VTI1A: variants seen among roughly 807,000 people sequenced by gnomAD.
VTI1A encodes the protein vesicle transport through interaction with t-SNAREs 1A, also known as vesicle transport through interaction with t-SNAREs homolog 1A.
A neutral mutation model predicts 34.9 loss-of-function variants in VTI1A; 22 were observed. The ratio of observed to expected loss-of-function variants is 0.63; its 90% CI spans 0.45 to 0.90. The LOEUF (loss-of-function observed/expected upper bound fraction) is 0.90. Among genes scored for constraint, VTI1A ranks in the 40% least tolerant of loss-of-function variants. The pLI is 0.00. For missense variants in VTI1A, 268 were observed against 275.6 expected (o/e 0.97, Z 0.20); for synonymous variants, 87 against 97.3 (o/e 0.89, Z 0.62).
At chr10:112,456,479 AC>A (rs1470854228) in intron 1 of VTI1A, among the ~76,000 whole-genome samples, 5 of 151,218 alleles carry the variant, frequency 3.3e-5, no homozygotes, top group Non-Finnish European at 2.9e-5. Flanking sequence ...TGACCGTTGT[AC>A]CCCCTAGAGC....
intron 5 of VTI1A, among the ~76,000 whole-genome samples, chr10:112,651,239 C>CCT: frequency 6.6e-6 from 1 of 152,108 alleles, no homozygotes; most frequent in Non-Finnish European, 1.5e-5. Flanking sequence ...TTAAATATGA[C>CCT]AAAATAGTTT....
At chr10:112,791,132 C>T (rs527409433) in intron 7 of VTI1A, among the ~76,000 whole-genome samples, 74 of 152,260 alleles carry the variant, frequency 4.9e-4, no homozygotes, top group African/African-American at 1.7e-3. Context: ...CATTAGCTGA[C>T]CCAAAGGCAA....
intron 5 of VTI1A, among the ~76,000 whole-genome samples, chr10:112,560,666 G>A (rs539217302): frequency 8.8e-5 from 13 of 147,190 alleles, no homozygotes; most frequent in Non-Finnish European, 1.6e-4. Flanking sequence ...GCATGATCTC[G>A]GCTCACTGCA....
At chr10:112,807,326 C>G (rs778251570) in intron 7 of VTI1A, among the ~76,000 whole-genome samples, 1 of 152,136 alleles carries the variant, frequency 6.6e-6, no homozygotes, top group Non-Finnish European at 1.5e-5. Flanking sequence ...CTCATAGTTG[C>G]GAAGACTAGA....
At chr10:112,542,524 C>T in intron 5 of VTI1A, among the ~76,000 whole-genome samples, 1 of 152,182 alleles carries the variant, frequency 6.6e-6, no homozygotes, top group African/African-American at 2.4e-5. Context: ...CTCTCCACGA[C>T]AGGGAGCTAA....
chr10:112,846,180 G>A, the VTI1A span, among the ~76,000 whole-genome samples: 1 of 152,184 alleles, frequency 6.6e-6, no homozygotes, highest in Non-Finnish European at 1.5e-5. Context: ...TATTTTGGGG[G>A]TCTTTCCCCA....
chr10:112,747,430 A>C (rs111392855), intron 7 of VTI1A, among the ~76,000 whole-genome samples: 1 of 152,214 alleles, frequency 6.6e-6, no homozygotes, highest in African/African-American at 2.4e-5. Flanking sequence ...ACACTCATGT[A>C]CAGCATTTTA....
chr10:112,632,831 A>G (rs1404055160), intron 5 of VTI1A, among the ~76,000 whole-genome samples: 1 of 152,138 alleles, frequency 6.6e-6, no homozygotes, highest in Non-Finnish European at 1.5e-5. Context: ...ATGCATGTTG[A>G]TTGTACATGC....
chr10:112,536,751 C>G (rs559291263), intron 4 of VTI1A, among the ~76,000 whole-genome samples: 12 of 150,236 alleles, frequency 8.0e-5, no homozygotes, highest in African/African-American at 2.4e-4. Context: ...CTCACCCCCC[C>G]ACCCTTCCCC....
chr10:112,549,645 T>C (rs1851271173), intron 5 of VTI1A, among the ~76,000 whole-genome samples: 2 of 152,330 alleles, frequency 1.3e-5, no homozygotes, highest in South Asian at 4.1e-4. Context: ...GAGAAAGTTC[T>C]TTCTCTAGAA....
chr10:112,787,559 G>A (rs552659313), intron 7 of VTI1A, among the ~76,000 whole-genome samples: 10 of 151,954 alleles, frequency 6.6e-5, no homozygotes, highest in South Asian at 6.2e-4. Flanking sequence ...TTCAAATAGT[G>A]ATAATTATGG....
At chr10:112,715,132 C>T (rs1012176186) in intron 7 of VTI1A, among the ~76,000 whole-genome samples, 2 of 151,870 alleles carry the variant, frequency 1.3e-5, no homozygotes, top group African/African-American at 2.4e-5. Flanking sequence ...TGGTATGTAA[C>T]GATGGGGTAG....
intron 3 of VTI1A, among the ~76,000 whole-genome samples, chr10:112,476,480 T>G (rs937676678): frequency 2.6e-5 from 4 of 152,204 alleles, no homozygotes; most frequent in Non-Finnish European, 5.9e-5. Flanking sequence ...TACTTGCTAG[T>G]CACTCTCCTG....
At chr10:112,783,504 G>C (rs1355719767) in intron 7 of VTI1A, among the ~76,000 whole-genome samples, 3 of 152,010 alleles carry the variant, frequency 2.0e-5, no homozygotes, top group Admixed American at 6.5e-5. Context: ...AAATGTTCAC[G>C]GTGTTCAGAT....
the VTI1A span, chr10:112,831,601 G>A: frequency 6.6e-5 from 10 of 152,300 alleles, no homozygotes; most frequent in African/African-American, 1.4e-4. Context: ...AGCCTCCAGC[G>A]CTGGTATTTC....
intron 5 of VTI1A, among the ~76,000 whole-genome samples, chr10:112,626,014 C>T (rs898107706): frequency 2.6e-5 from 4 of 152,158 alleles, no homozygotes; most frequent in South Asian, 2.1e-4. Context: ...CTAATCTTTC[C>T]GTTTTCCCCA....
chr10:112,661,034 G>A (rs1347391063), intron 5 of VTI1A, among the ~76,000 whole-genome samples: 2 of 152,176 alleles, frequency 1.3e-5, no homozygotes, highest in South Asian at 2.1e-4. Flanking sequence ...AGGCCGGAGT[G>A]CAGTGGCATG....
chr10:112,648,024 C>A (rs921654443), intron 5 of VTI1A, among the ~76,000 whole-genome samples: 3 of 152,192 alleles, frequency 2.0e-5, no homozygotes, highest in Non-Finnish European at 4.4e-5. Flanking sequence ...CCCGCCTCAG[C>A]CTCCCAAAGT....
At chr10:112,838,690 AG>A in the VTI1A span, among the ~76,000 whole-genome samples, 2 of 152,068 alleles carry the variant, frequency 1.3e-5, no homozygotes, top group Non-Finnish European at 1.5e-5. Context: ...CTGGAGGGGC[AG>A]GGGGGTGGCA....
Sources: allele counts gnomAD v4.1 joint callset (sites outside exome capture counted in the v4.1 genomes callset), GRCh38; gene constraint gnomAD v4.1.1; transcripts MANE v1.5; gene names NCBI Gene and HGNC (gene_info 2026-07-23, HGNC 2026-07-21).